Variants in POGLUT1 observed in about 807,000 individuals in gnomAD.
The protein encoded by POGLUT1 is protein O-glucosyltransferase 1.
POGLUT1 carries 32 observed loss-of-function variants against 61.3 expected under a neutral mutation model. The observed-to-expected ratio is 0.52, with a 90% confidence interval of 0.39 to 0.70. POGLUT1 has a LOEUF of 0.70. Among genes scored for constraint, POGLUT1 ranks in the 30% least tolerant of loss-of-function variants. POGLUT1 has a pLI of 0.00. For synonymous variants in POGLUT1, 158 were observed against 158.2 expected (o/e 1.00, Z 0.01); for missense variants, 411 against 469.8 (o/e 0.87, Z 1.16).
chr3:119,470,046 C>G, intron 2 of POGLUT1, 136 bp downstream of exon 2: 1 of 642,210 alleles, frequency 1.6e-6, no homozygotes, highest in South Asian at 1.8e-5. Flanking sequence ...TAAAAATGCT[C>G]TCGCATGGGA....
At chr3:119,473,338 CAAATG>C (rs56224714) in intron 3 of POGLUT1, among the ~76,000 whole-genome samples, 89,161 of 151,048 alleles carry the variant, frequency 0.59, 26,789 homozygotes, top group East Asian at 0.72. Context: ...GAACAATTGC[CAAATG>C]AAATGAAATG....
At chr3:119,480,906 T>C (rs776582059) in intron 5 of POGLUT1, among the ~76,000 whole-genome samples, 6 of 151,736 alleles carry the variant, frequency 4.0e-5, no homozygotes, top group Non-Finnish European at 8.8e-5. Flanking sequence ...ACCTGGCTAA[T>C]TTTTTGTATT....
intron 3 of POGLUT1, among the ~76,000 whole-genome samples, chr3:119,473,336 G>C (rs2081497677): frequency 1.0e-5 from 1 of 96,506 alleles, no homozygotes; most frequent in Non-Finnish European, 2.1e-5. Flanking sequence ...CTGAACAATT[G>C]CCAAATGAAA....
intron 8 of POGLUT1, 49 bp downstream of exon 8, chr3:119,489,036 A>C (rs765475105): frequency 9.5e-7 from 1 of 1,048,078 alleles, no homozygotes; most frequent in East Asian, 2.4e-5. Context: ...ACTGCTTTTG[A>C]AATAGCTTCA....
chr3:119,469,159 GT>G (rs1050709373), intron 1 of POGLUT1, 53 bp downstream of exon 1: 1 of 1,391,146 alleles, frequency 7.2e-7, no homozygotes, highest in African/African-American at 1.4e-5. Flanking sequence ...TCTGGCCGGA[GT>G]CCCGAGGCGC....
intron 9 of POGLUT1, among the ~76,000 whole-genome samples, chr3:119,491,127 A>G (rs903714256): frequency 1.3e-5 from 2 of 150,278 alleles, no homozygotes; most frequent in African/African-American, 4.9e-5. Context: ...GAAGGGCCAG[A>G]GTTATCTGAA....
intron 3 of POGLUT1, among the ~76,000 whole-genome samples, chr3:119,473,818 A>C (rs1183525678): frequency 1.3e-5 from 2 of 151,550 alleles, no homozygotes; most frequent in African/African-American, 4.9e-5. Flanking sequence ...CCGCCACCAC[A>C]CCTGGCTAAT....
chr3:119,480,252 CTT>C (rs139662431), intron 5 of POGLUT1, 80 bp downstream of exon 5: 2,109 of 929,614 alleles, frequency 2.3e-3, no homozygotes, highest in South Asian at 3.3e-3. Context: ...CAATTATTTA[CTT>C]TTTTTTTTTT....
At position 119,488,998 on chromosome 3, in the gene POGLUT1, C is replaced by A; in HGVS notation, c.797+11C>A. ...TCACTGCAAATACAAGTAAGATTTGCAGGACTCCTCACTTTCTTGGTTTCC... is the reference window on the plus strand; with the variant it reads ...TCACTGCAAATACAAGTAAGATTTGAAGGACTCCTCACTTTCTTGGTTTCC... On this transcript the variant is annotated intron_variant, in intron 8 of 10. Transcript: ENST00000295588. 6.6e-7 allele frequency: 1 copy of A among 1,512,150 alleles called. No individual in the cohort carries two copies. Among genetic ancestry groups the A allele is most frequent in the Non-Finnish European group, 9.1e-7 (1 of 1,093,796 alleles). The allele number at this position is 1,512,150 out of a possible 1,614,324, so 93.7% of individuals were successfully genotyped here. A position where few individuals can be genotyped will look rare whatever the true frequency, so the allele number is the denominator to read the frequency against.
intron 5 of POGLUT1, among the ~76,000 whole-genome samples, chr3:119,480,563 G>C (rs1459534397): frequency 6.6e-6 from 1 of 151,376 alleles, no homozygotes; most frequent in Non-Finnish European, 1.5e-5. Context: ...ATTTTTAAGT[G>C]ACTAATTTTT....
chr3:119,491,448 T>C (rs1479448082), intron 9 of POGLUT1, 70 bp from the exon 10 acceptor site: 2 of 694,494 alleles, frequency 2.9e-6, no homozygotes, highest in African/African-American at 3.7e-5. Flanking sequence ...CCTCAATCTA[T>C]ATCGTCTTTC....
chr3:119,475,250 A>G (rs973565838), intron 3 of POGLUT1, among the ~76,000 whole-genome samples: 2 of 152,198 alleles, frequency 1.3e-5, no homozygotes, highest in African/African-American at 2.4e-5. Context: ...TCTTTTCCAT[A>G]TAACAGTAGA....
At chr3:119,470,340 C>T (rs1269433661) in intron 2 of POGLUT1, among the ~76,000 whole-genome samples, 2 of 152,150 alleles carry the variant, frequency 1.3e-5, no homozygotes. Context: ...CTTTGAGAGG[C>T]CAAGGCAGGT....
At chr3:119,491,181 A>C (rs1048693911) in intron 9 of POGLUT1, among the ~76,000 whole-genome samples, 1 of 147,834 alleles carries the variant, frequency 6.8e-6, no homozygotes, top group Non-Finnish European at 1.5e-5. Flanking sequence ...TTTTTTTTCT[A>C]TATATAAATA....
At chr3:119,473,986 T>A (rs1223265444) in intron 3 of POGLUT1, among the ~76,000 whole-genome samples, 2 of 152,302 alleles carry the variant, frequency 1.3e-5, no homozygotes, top group African/African-American at 4.8e-5. Flanking sequence ...CTATGTGACA[T>A]TTTAAAAACT....
rs763045710 is a variant in POGLUT1, at chr3:119,490,675, T to C, written c.922T>C (p.Trp308Arg). 72 of 1,614,030 alleles carry C rather than the reference T, an allele frequency of 4.5e-5. No individual in the cohort carries two copies. Among genetic ancestry groups the C allele is most frequent in the Non-Finnish European group, 5.6e-5 (66 of 1,180,024 alleles). The change falls in exon 9 of 11, where the codon TGG (tryptophan) becomes CGG (arginine). Residue 308 changes from tryptophan to arginine, a missense_variant. Trp to Arg is a moderately radical substitution (Grantham distance 101). Coordinates refer to ENST00000295588, the MANE Select transcript of POGLUT1 (RefSeq NM_152305.3). Reference sequence around the variant, plus strand: ...ATTCTTCTATCCACAGCTGAAGCCATGGGTTCACTATATCCCAGTCAAAAC... The same window carrying C: ...ATTCTTCTATCCACAGCTGAAGCCACGGGTTCACTATATCCCAGTCAAAAC... The part of the protein sequence containing the change: ...LEFFYPQLKP[W>R]VHYIPVKTDL...
At chr3:119,492,209 A>G in intron 10 of POGLUT1, 73 bp from the exon 11 acceptor site, 1 of 1,077,608 alleles carries the variant, frequency 9.3e-7, no homozygotes, top group Non-Finnish European at 1.3e-6. Flanking sequence ...GCACAAGGTG[A>G]GCACTCAAAT....
intron 6 of POGLUT1, 116 bp from the exon 7 acceptor site, chr3:119,486,717 A>G (rs2081668349): frequency 2.7e-6 from 2 of 753,710 alleles, no homozygotes; most frequent in Non-Finnish European, 4.7e-6. Context: ...TCACCAGTGA[A>G]TTGTCCACTT....
At chr3:119,484,307 G>A (rs56195264) in intron 5 of POGLUT1, among the ~76,000 whole-genome samples, 26,727 of 152,090 alleles carry the variant, frequency 0.18, 6,363 homozygotes, top group African/African-American at 0.54. Context: ...AAGTTTCTCC[G>A]TTACTGTAAT....
Sources: gnomAD v4.1 joint callset for allele counts (sites outside exome capture counted in the v4.1 genomes callset) on GRCh38, gnomAD v4.1.1 for gene constraint, MANE v1.5 for transcripts, NCBI Gene and HGNC (gene_info 2026-07-23, HGNC 2026-07-21) for gene names.